COP1: variants seen among roughly 807,000 people sequenced by gnomAD.
The protein encoded by COP1 is COP1 E3 ubiquitin ligase.
Under a neutral mutation model 101.3 loss-of-function variants are expected in COP1, and 24 were observed. The ratio of observed to expected loss-of-function variants is 0.24; its 90% CI spans 0.17 to 0.33. COP1 has a LOEUF of 0.33. Ranked by LOEUF, COP1 falls within the 10% of genes least tolerant of loss-of-function variation. The pLI, the probability that COP1 is intolerant of heterozygous loss-of-function variation, is 1.00. For synonymous variants in COP1, 347 were observed against 341.9 expected, an observed-to-expected ratio of 1.01 and a Z score of -0.17; for missense variants, 663 against 906.2, an observed-to-expected ratio of 0.73 and a Z score of 3.45.
At chr1:175,957,843 A>G (rs1039552293) in intron 18 of COP1, among the ~76,000 whole-genome samples, 1 of 152,222 alleles carries the variant, frequency 6.6e-6, no homozygotes. Context: ...TGGATTACTA[A>G]TAAGAAGGAA....
intron 9 of COP1, among the ~76,000 whole-genome samples, chr1:176,096,844 C>T (rs568984350): frequency 4.6e-5 from 7 of 152,242 alleles, no homozygotes; most frequent in African/African-American, 1.7e-4. Flanking sequence ...TTGCTGCAGG[C>T]CTCCATCTTG....
intron 8 of COP1, among the ~76,000 whole-genome samples, chr1:176,119,819 A>T (rs1242979337): frequency 2.0e-5 from 3 of 152,178 alleles, no homozygotes; most frequent in Non-Finnish European, 4.4e-5. Context: ...CACTAACCTA[A>T]ATAATTTAAA....
In COP1 at chr1:176,008,323, A is replaced by G. The variant is rs891919819; in HGVS notation, c.1730-18844T>C. 2.0e-5 allele frequency among the ~76,000 whole-genome samples: 3 copies of G among 152,148 alleles called. 1 individual carries two copies. The highest frequency in any genetic ancestry group is 1.3e-4 in the Admixed American group (2 of 15,282). On this transcript the variant is annotated intron_variant, in intron 15 of 19. Transcript: ENST00000367669. Reference sequence around the variant, plus strand: ...CATCTTCTGCGTTGCTCATGCTGGGAGCTGTAGACCGGAGCTGTTCCTATT... The same window carrying G: ...CATCTTCTGCGTTGCTCATGCTGGGGGCTGTAGACCGGAGCTGTTCCTATT...
At chr1:176,199,759 G>C (rs1429906769) in intron 1 of COP1, among the ~76,000 whole-genome samples, 1 of 152,268 alleles carries the variant, frequency 6.6e-6, no homozygotes, top group African/African-American at 2.4e-5. Context: ...TGGTTGCCAG[G>C]TGTTAGGTGT....
At chr1:175,945,746 G>A (rs951813170) in intron 19 of COP1, among the ~76,000 whole-genome samples, 20 of 152,270 alleles carry the variant, frequency 1.3e-4, no homozygotes, top group Admixed American at 5.2e-4. Flanking sequence ...GAAAGATCAC[G>A]GAACAGGAGG....
At chr1:176,110,005 C>A (rs754494883) in intron 9 of COP1, among the ~76,000 whole-genome samples, 6 of 152,060 alleles carry the variant, frequency 3.9e-5, no homozygotes, top group Non-Finnish European at 7.4e-5. Context: ...TTTCCACTAG[C>A]GGTATTTTTT....
intron 15 of COP1, among the ~76,000 whole-genome samples, chr1:176,024,320 G>C (rs1268610251): frequency 1.3e-5 from 2 of 152,120 alleles, no homozygotes; most frequent in African/African-American, 4.8e-5. Context: ...AAAAGTACTT[G>C]AAAAGCTGGT....
intron 15 of COP1, among the ~76,000 whole-genome samples, chr1:175,990,596 A>C (rs537637814): frequency 2.6e-5 from 4 of 152,300 alleles, no homozygotes; most frequent in African/African-American, 9.6e-5. Context: ...CAACAACTTC[A>C]GTCAAAATAT....
rs568350824 is a variant in COP1, at chr1:175,948,976, A to G, written c.2134-1737T>C. On this transcript the variant is annotated intron_variant, in intron 18 of 19. Coordinates refer to ENST00000367669, the MANE Select transcript of COP1 (RefSeq NM_022457.7). ...TCAGAAGATCGAGACCATCCTGGCT[A>G]ATATGGTGTAATCCTGTCTCTACTA... Among the ~76,000 whole-genome samples, 17 of 151,728 alleles carry G rather than the reference A, an allele frequency of 1.1e-4. No homozygotes were observed. The South Asian group carries it at 3.6e-3, about 32-fold the overall frequency.
intron 15 of COP1, among the ~76,000 whole-genome samples, chr1:175,997,945 C>T (rs1276944094): frequency 6.6e-6 from 1 of 151,408 alleles, no homozygotes; most frequent in African/African-American, 2.4e-5. Context: ...AAGACACATG[C>T]ACACATTATG....
At chr1:176,202,443 C>A (rs1385834413) in intron 1 of COP1, among the ~76,000 whole-genome samples, 1 of 151,996 alleles carries the variant, frequency 6.6e-6, no homozygotes. Flanking sequence ...CCTGCCCTGG[C>A]CTACCAAAGG....
At position 176,079,317 on chromosome 1, in the gene COP1, T is replaced by C. The variant is rs143571470; in HGVS notation, c.1277+1835A>G. ...ATAGCCTTAAAAAATAATAAAACCA[T>C]GTCCTCTGCAGCAACATGAGTGAAG... is the stretch of plus-strand genomic sequence containing the variant. On this transcript the variant is annotated intron_variant, in intron 11 of 19. Transcript: ENST00000367669. Among the ~76,000 whole-genome samples, 647 of 152,238 alleles carry C rather than the reference T, an allele frequency of 4.2e-3. 5 individuals are homozygous for C. The highest frequency in any genetic ancestry group is 6.4e-3 in the Non-Finnish European group (435 of 68,004).
intron 15 of COP1, among the ~76,000 whole-genome samples, chr1:176,016,520 T>G (rs1665678854): frequency 6.6e-6 from 1 of 152,180 alleles, no homozygotes; most frequent in South Asian, 2.1e-4. Context: ...TTCAGAGGAA[T>G]GAGAAGCTGG....
chr1:176,155,214 T>C (rs1301187861), intron 5 of COP1, among the ~76,000 whole-genome samples: 1 of 152,062 alleles, frequency 6.6e-6, no homozygotes, highest in Non-Finnish European at 1.5e-5. Context: ...TACTATTCTT[T>C]AAAGCCAATG....
At chr1:176,131,798 A>T (rs1319444866) in intron 8 of COP1, among the ~76,000 whole-genome samples, 2 of 151,862 alleles carry the variant, frequency 1.3e-5, no homozygotes, top group Admixed American at 6.6e-5. Flanking sequence ...TAAGGGCTAC[A>T]TCATTTTTCC....
intron 15 of COP1, among the ~76,000 whole-genome samples, chr1:175,994,227 A>C (rs1434406628): frequency 6.6e-6 from 1 of 152,200 alleles, no homozygotes; most frequent in African/African-American, 2.4e-5. Context: ...CCTGCCCTAA[A>C]AGAGCTCCTG....
At chr1:176,113,911 A>C (rs896669496) in intron 9 of COP1, among the ~76,000 whole-genome samples, 3 of 151,594 alleles carry the variant, frequency 2.0e-5, no homozygotes, top group Admixed American at 2.0e-4. Flanking sequence ...TAACCAGTAA[A>C]GAAGCAGCAA....
At chr1:176,056,155 T>A (rs1436660485) in intron 11 of COP1, among the ~76,000 whole-genome samples, 1 of 152,204 alleles carries the variant, frequency 6.6e-6, no homozygotes, top group Non-Finnish European at 1.5e-5. Flanking sequence ...TACTGTGTTG[T>A]GATCAGAAAA....
chr1:176,075,947 G>T (rs959351287), intron 11 of COP1, among the ~76,000 whole-genome samples: 10 of 140,376 alleles, frequency 7.1e-5, no homozygotes, highest in African/African-American at 2.7e-4. Flanking sequence ...AGGTTGCAGT[G>T]AGCCAAGATC....
Sources: gnomAD v4.1 joint callset for allele counts (sites outside exome capture counted in the v4.1 genomes callset) on GRCh38, gnomAD v4.1.1 for gene constraint, MANE v1.5 for transcripts, NCBI Gene and HGNC (gene_info 2026-07-23, HGNC 2026-07-21) for gene names.